The following DMD variants were observed in gnomAD, a reference collection of about 807,000 sequenced individuals.
DMD encodes mutant dystrophin.
DMD carries 63 observed loss-of-function variants against 330.1 expected under a neutral mutation model. The ratio of observed to expected loss-of-function variants is 0.19; its 90% CI spans 0.16 to 0.24. The LOEUF is 0.24. Among genes scored for constraint, DMD ranks in the 10% least tolerant of loss-of-function variants. DMD has a pLI of 1.00. For missense variants in DMD, 3,344 were observed against 2,684.1 expected (o/e 1.25, Z -5.43); for synonymous variants, 1,223 against 959.8 (o/e 1.27, Z -5.07).
At chrX:32,225,807 G>A (rs1384740661) in intron 43 of DMD, among the ~76,000 whole-genome samples, 1 of 109,231 alleles carries the variant, frequency 9.2e-6, no homozygotes, top group Non-Finnish European at 1.9e-5. Context: ...AGCTCCCTGA[G>A]GCCTCCCCAG....
intron 2 of DMD, among the ~76,000 whole-genome samples, chrX:32,922,816 A>G (rs1194598416): frequency 8.9e-6 from 1 of 111,748 alleles, no homozygotes; most frequent in African/African-American, 3.3e-5. Flanking sequence ...CATTTCTGAA[A>G]CTGTTCTAGA....
intron 30 of DMD, among the ~76,000 whole-genome samples, chrX:32,399,692 A>C (rs1405887396): frequency 2.7e-5 from 3 of 111,663 alleles, no homozygotes; most frequent in African/African-American, 9.8e-5. Flanking sequence ...AAAAAACTGT[A>C]AACAGAGCTA....
intron 2 of DMD, among the ~76,000 whole-genome samples, chrX:33,000,533 TAGTC>T (rs762762839): frequency 4.5e-5 from 5 of 111,753 alleles, no homozygotes; most frequent in African/African-American, 1.6e-4. Flanking sequence ...CTTCCTGACT[TAGTC>T]AGAATATTCT....
chrX:32,686,489 G>A (rs1182754914), intron 9 of DMD, among the ~76,000 whole-genome samples: 2 of 101,342 alleles, frequency 2.0e-5, no homozygotes, highest in Non-Finnish European at 3.9e-5. Flanking sequence ...AACCCAGGAG[G>A]CAGAGGTTGC....
At chrX:33,184,724 T>TC (rs2050169372) in intron 1 of DMD, among the ~76,000 whole-genome samples, 1 of 88,215 alleles carries the variant, frequency 1.1e-5, no homozygotes, top group Admixed American at 1.3e-4. Context: ...TTCTTTCTTT[T>TC]TTTTTTTTTT....
intron 1 of DMD, among the ~76,000 whole-genome samples, chrX:33,105,867 T>C (rs1226874896): frequency 9.8e-5 from 11 of 111,712 alleles, no homozygotes. Context: ...TATGGAGATT[T>C]CTCAAAGAAC....
chrX:31,525,416 T>C (rs1333923946), intron 55 of DMD, among the ~76,000 whole-genome samples: 1 of 112,025 alleles, frequency 8.9e-6, no homozygotes, highest in Non-Finnish European at 1.9e-5. Flanking sequence ...AACTATTTCA[T>C]TTAGCACAAT....
chrX:31,681,760 C>A lies in DMD; in HGVS notation c.7661-2174G>T, dbSNP rs772740004. ...GTAAGTAAAGTCCTTTTTAATTAAC[C>A]CTGTTGCCTCCACAAAGTTATGTGA... is the stretch of plus-strand genomic sequence containing the variant. On this transcript the variant is annotated intron_variant, in intron 52 of 78. Transcript: ENST00000357033. Among the ~76,000 whole-genome samples the A allele has an allele frequency of 6.2e-5, 7 of 112,609 alleles. No individual in the cohort carries two copies. The South Asian group carries it at 2.6e-3, about 41-fold the overall frequency.
At chrX:32,299,449 TCAAAGTGAATAA>T (rs199824324) in intron 42 of DMD, among the ~76,000 whole-genome samples, 23,911 of 109,017 alleles carry the variant, frequency 0.22, 2,096 homozygotes, top group Non-Finnish European at 0.23. Context: ...GAAAGGATAA[TCAAAGTGAATAA>T]CAAAGTGAAG....
chrX:31,570,245 G>A (rs984748264), intron 55 of DMD, among the ~76,000 whole-genome samples: 1 of 111,543 alleles, frequency 9.0e-6, no homozygotes, highest in Non-Finnish European at 1.9e-5. Context: ...CCTATTAGAA[G>A]AAGTTACAGG....
At chrX:32,725,000 C>T (rs990155578) in intron 7 of DMD, among the ~76,000 whole-genome samples, 3 of 111,468 alleles carry the variant, frequency 2.7e-5, no homozygotes, top group Non-Finnish European at 3.8e-5. Context: ...ATAACACAGC[C>T]TCAAGTACAA....
chrX:33,043,417 T>C (rs1201797785), intron 1 of DMD, among the ~76,000 whole-genome samples: 1 of 111,781 alleles, frequency 8.9e-6, no homozygotes, highest in Non-Finnish European at 1.9e-5. Context: ...CTTTTTAGAA[T>C]GACTACTGAA....
At chrX:32,306,047 T>C (rs368114352) in intron 42 of DMD, among the ~76,000 whole-genome samples, 1 of 74,638 alleles carries the variant, frequency 1.3e-5, no homozygotes, top group African/African-American at 5.3e-5. Context: ...CAGATTCTGG[T>C]TTTTTTTTTT....
chrX:32,812,019 T>C (rs1451049883), intron 6 of DMD, among the ~76,000 whole-genome samples: 2 of 111,443 alleles, frequency 1.8e-5, no homozygotes, highest in Non-Finnish European at 3.8e-5. Flanking sequence ...AGAAAGAAAC[T>C]GGCTGAGTTT....
At chrX:32,395,016 T>A (rs2098034186) in intron 30 of DMD, among the ~76,000 whole-genome samples, 1 of 109,077 alleles carries the variant, frequency 9.2e-6, no homozygotes, top group African/African-American at 3.3e-5. Context: ...ATTAATTCCA[T>A]CTCCTAATCA....
chrX:31,557,191 G>A (rs907130915), intron 55 of DMD, among the ~76,000 whole-genome samples: 1 of 111,671 alleles, frequency 9.0e-6, no homozygotes, highest in African/African-American at 3.3e-5. Flanking sequence ...AATAATTAGG[G>A]TATTGGCAGG....
chrX:32,659,517 G>A (rs995372167), intron 9 of DMD, among the ~76,000 whole-genome samples: 1 of 110,707 alleles, frequency 9.0e-6, no homozygotes, highest in Non-Finnish European at 1.9e-5. Flanking sequence ...GGGTGTGATT[G>A]TGGAAATGGG....
At chrX:32,394,336 C>G (rs985787656) in intron 30 of DMD, among the ~76,000 whole-genome samples, 1 of 111,447 alleles carries the variant, frequency 9.0e-6, no homozygotes, top group Admixed American at 9.6e-5. Flanking sequence ...TAACAGTAAC[C>G]AGGATTTAAA....
intron 63 of DMD, among the ~76,000 whole-genome samples, chrX:31,225,111 CAT>C (rs1360287402): frequency 5.3e-5 from 6 of 112,453 alleles, no homozygotes; most frequent in Non-Finnish European, 1.9e-5. Context: ...AAAATGGAAA[CAT>C]GTTATAGTGT....
Sources: allele counts gnomAD v4.1 joint callset (sites outside exome capture counted in the v4.1 genomes callset), GRCh38; gene constraint gnomAD v4.1.1; transcripts MANE v1.5; gene names NCBI Gene and HGNC (gene_info 2026-07-23, HGNC 2026-07-21).